The following GSE1 variants were observed in gnomAD, a reference collection of about 807,000 sequenced individuals.
GSE1 encodes genetic suppressor element 1.
GSE1 carries 32 observed loss-of-function variants against 112.6 expected under a neutral mutation model. The observed-to-expected ratio is 0.28, with a 90% CI of 0.21 to 0.38. GSE1 has a LOEUF of 0.38. Among genes scored for constraint, GSE1 ranks in the 10% least tolerant of loss-of-function variants. GSE1 has a pLI of 1.00. For missense variants in GSE1, 2,348 were observed against 1,699.2 expected, an observed-to-expected ratio of 1.38 and a Z score of -6.71; for synonymous variants, 1,115 against 735.6, an observed-to-expected ratio of 1.52 and a Z score of -8.35.
chr16:85,499,345 C>G (rs1171788926), intron 2 of GSE1, among the ~76,000 whole-genome samples: 2 of 133,166 alleles, frequency 1.5e-5, no homozygotes, highest in Admixed American at 1.7e-4. Context: ...GAGTCTCACT[C>G]AGTCGCCTAG....
upstream of GSE1, chr16:85,554,982 C>G (rs1490945268): frequency 1.0e-6 from 1 of 985,416 alleles, no homozygotes; most frequent in Non-Finnish European, 1.2e-6. Context: ...CGCCCCGCTC[C>G]CCGTCCGCAT....
intron 1 of GSE1, among the ~76,000 whole-genome samples, chr16:85,343,468 G>T (rs955163224): frequency 2.6e-5 from 4 of 152,142 alleles, no homozygotes; most frequent in Non-Finnish European, 5.9e-5. Context: ...TAAAAAGTTT[G>T]CCCGGCCCAG....
intron 2 of GSE1, among the ~76,000 whole-genome samples, chr16:85,545,992 A>G (rs2044684235): frequency 6.6e-6 from 1 of 151,996 alleles, no homozygotes; most frequent in South Asian, 2.1e-4. Flanking sequence ...TCACTGTGTT[A>G]GCCAGGATGG....
At chr16:85,408,509 T>C (rs1372052926) in intron 2 of GSE1, among the ~76,000 whole-genome samples, 40 of 51,584 alleles carry the variant, frequency 7.8e-4, no homozygotes, top group Admixed American at 1.0e-3. Context: ...TCCTCACTGT[T>C]ACACTCAGGC....
chr16:85,662,937 A>T lies in GSE1; in HGVS notation c.2261-44A>T. On this transcript the variant is annotated intron_variant, in intron 9 of 15. Coordinates refer to ENST00000253458, the MANE Select transcript of GSE1 (RefSeq NM_014615.5). Reference sequence around the variant, plus strand: ...CCCTGCGGGCATGTCCACTGGACAGATGAAGGCTCTTTGTCTGGCTGAATA... The same window carrying T: ...CCCTGCGGGCATGTCCACTGGACAGTTGAAGGCTCTTTGTCTGGCTGAATA... 2 of 1,350,040 alleles carry T rather than the reference A, an allele frequency of 1.5e-6. 1 individual carries two copies. Among genetic ancestry groups the T allele is most frequent in the South Asian group, 2.3e-5 (2 of 85,804 alleles). 83.6% of individuals were successfully genotyped at this position (1,350,040 alleles called of 1,614,324 possible).
intron 1 of GSE1, among the ~76,000 whole-genome samples, chr16:85,586,515 G>T (rs1047173355): frequency 4.6e-5 from 7 of 152,170 alleles, no homozygotes; most frequent in African/African-American, 1.7e-4. Flanking sequence ...TTCTTCCAGG[G>T]GCTCCCAGGA....
At chr16:85,554,526 C>G (rs1169369619), upstream of GSE1, among the ~76,000 whole-genome samples, 1 of 151,962 alleles carries the variant, frequency 6.6e-6, no homozygotes, top group Non-Finnish European at 1.5e-5. Flanking sequence ...GAGATGCTAT[C>G]AAGCATTTGA....
chr16:85,549,314 A>G (rs1261803415), intron 2 of GSE1, among the ~76,000 whole-genome samples: 2 of 151,992 alleles, frequency 1.3e-5, no homozygotes, highest in East Asian at 1.9e-4. Flanking sequence ...AGCTGGGACT[A>G]TAGGCACACA....
At chr16:85,360,678 C>CA (rs2047049621) in intron 2 of GSE1, among the ~76,000 whole-genome samples, 1 of 152,090 alleles carries the variant, frequency 6.6e-6, no homozygotes, top group Admixed American at 6.5e-5. Flanking sequence ...ACGCACGAGA[C>CA]AGACACAGAC....
At chr16:85,335,940 G>C (rs925173159) in intron 1 of GSE1, among the ~76,000 whole-genome samples, 4 of 152,214 alleles carry the variant, frequency 2.6e-5, no homozygotes, top group Admixed American at 2.6e-4. Flanking sequence ...CGGCTGGCCT[G>C]AGTGGACTTC....
chr16:85,320,023 A>G (rs1597384489), intron 1 of GSE1, among the ~76,000 whole-genome samples: 1 of 152,224 alleles, frequency 6.6e-6, no homozygotes, highest in East Asian at 1.9e-4. Context: ...GTTTCTTTAA[A>G]AACAAATTAC....
intron 1 of GSE1, among the ~76,000 whole-genome samples, chr16:85,303,277 T>A (rs2045575701): frequency 6.6e-6 from 1 of 152,142 alleles, no homozygotes; most frequent in East Asian, 1.9e-4. Flanking sequence ...TATCTGGGGC[T>A]CCAGGATATG....
intron 1 of GSE1, among the ~76,000 whole-genome samples, chr16:85,219,626 G>A (rs1402893396): frequency 6.6e-6 from 1 of 152,180 alleles, no homozygotes; most frequent in East Asian, 1.9e-4. Flanking sequence ...CTCCATCTCC[G>A]AATGTCGCCT....
At chr16:85,655,281 T>TA (rs960548533) in intron 5 of GSE1, among the ~76,000 whole-genome samples, 6 of 152,198 alleles carry the variant, frequency 3.9e-5, no homozygotes, top group Admixed American at 3.9e-4. Context: ...GAGCAGGGCT[T>TA]TGCCCGTGGG....
At chr16:85,363,804 G>C (rs2047131297) in intron 2 of GSE1, among the ~76,000 whole-genome samples, 1 of 151,972 alleles carries the variant, frequency 6.6e-6, no homozygotes, top group Non-Finnish European at 1.5e-5. Flanking sequence ...GAGAAGAGGA[G>C]GGGGCTGGCA....
At chr16:85,221,862 G>T (rs1230234932) in intron 1 of GSE1, among the ~76,000 whole-genome samples, 2 of 152,194 alleles carry the variant, frequency 1.3e-5, no homozygotes, top group Non-Finnish European at 2.9e-5. Flanking sequence ...CCCGCTTGGA[G>T]CCCTCATGTT....
At chr16:85,397,016 A>G (rs1282566533) in intron 2 of GSE1, among the ~76,000 whole-genome samples, 1 of 152,074 alleles carries the variant, frequency 6.6e-6, no homozygotes, top group Non-Finnish European at 1.5e-5. Flanking sequence ...GGACCAAGAG[A>G]CGGGGGCTCC....
At chr16:85,225,596 G>A (rs987144107) in intron 1 of GSE1, among the ~76,000 whole-genome samples, 9 of 152,274 alleles carry the variant, frequency 5.9e-5, no homozygotes, top group Non-Finnish European at 7.4e-5. Flanking sequence ...GGGCTGGTGC[G>A]GTCACGGTCT....
At chr16:85,361,138 C>CCA (rs3054200) in intron 2 of GSE1, among the ~76,000 whole-genome samples, 40,283 of 117,084 alleles carry the variant, frequency 0.34, 7,903 homozygotes, top group East Asian at 0.55. Context: ...CAGACCCCCC[C>CCA]CACACAAACA....
Sources: allele counts gnomAD v4.1 joint callset (sites outside exome capture counted in the v4.1 genomes callset), GRCh38; gene constraint gnomAD v4.1.1; transcripts MANE v1.5; gene names NCBI Gene and HGNC (gene_info 2026-07-23, HGNC 2026-07-21).